LINGO2: variants seen among roughly 807,000 people sequenced by gnomAD.
LINGO2 encodes the protein leucine rich repeat and Ig domain containing 2.
LINGO2 carries 14 observed loss-of-function variants against 30.6 expected under a neutral mutation model. The observed-to-expected ratio is 0.46, with a 90% confidence interval of 0.30 to 0.72. The LOEUF is 0.72. LINGO2 is among the 30% of genes least tolerant of loss of function. LINGO2 has a pLI of 0.07. For missense variants in LINGO2, 729 were observed against 751.7 expected (o/e 0.97, Z 0.35); for synonymous variants, 317 against 288.5 (o/e 1.10, Z -1.00).
Position 28,032,146 on chromosome 9 carries a change from C to G in LINGO2, c.-86-19741G>C, listed in dbSNP as rs190643130. 7.2e-5 allele frequency among the ~76,000 whole-genome samples: 11 copies of G among 152,120 alleles called. No homozygotes were observed. The East Asian group carries it at 1.5e-3, about 21-fold the overall frequency. Reference sequence around the variant, plus strand: ...TTTGAAAACCGATTGCTCTGCTGTCCTGTCATGAAGTAGGTAATATGGGCA... The same window carrying G: ...TTTGAAAACCGATTGCTCTGCTGTCGTGTCATGAAGTAGGTAATATGGGCA... On this transcript the variant is annotated intron_variant, in intron 4 of 5. Transcript: ENST00000379992.
chr9:28,609,439 A>G (rs2135779359), intron 1 of LINGO2, among the ~76,000 whole-genome samples: 1 of 152,076 alleles, frequency 6.6e-6, no homozygotes, highest in Non-Finnish European at 1.5e-5. Context: ...CAAGACTTCT[A>G]GTTGAAAAAA....
At chr9:28,346,178 G>A (rs1355822989) in intron 3 of LINGO2, among the ~76,000 whole-genome samples, 1 of 152,104 alleles carries the variant, frequency 6.6e-6, no homozygotes, top group African/African-American at 2.4e-5. Flanking sequence ...CCTAGTACAT[G>A]GTTACTGGTC....
At chr9:28,549,982 G>C (rs1475622628) in intron 1 of LINGO2, among the ~76,000 whole-genome samples, 2 of 151,722 alleles carry the variant, frequency 1.3e-5, no homozygotes, top group African/African-American at 2.4e-5. Context: ...ACATCCTGTT[G>C]TTAATTAGAA....
intron 1 of LINGO2, among the ~76,000 whole-genome samples, chr9:28,651,430 C>A (rs912621525): frequency 1.3e-5 from 2 of 152,020 alleles, no homozygotes; most frequent in Non-Finnish European, 1.5e-5. Flanking sequence ...CCCTCTGAGT[C>A]CCAGTGAGAT....
intron 2 of LINGO2, among the ~76,000 whole-genome samples, chr9:28,405,379 AC>A (rs557314126): frequency 1.3e-5 from 2 of 152,048 alleles, no homozygotes; most frequent in South Asian, 4.1e-4. Flanking sequence ...TAACTCTAAA[AC>A]TGTGTCTTCA....
intron 3 of LINGO2, among the ~76,000 whole-genome samples, chr9:28,331,608 T>C (rs1825421079): frequency 6.6e-6 from 1 of 152,176 alleles, no homozygotes; most frequent in African/African-American, 2.4e-5. Context: ...TGGGCTCTGG[T>C]GATCCTCCAG....
intron 4 of LINGO2, among the ~76,000 whole-genome samples, chr9:28,066,582 A>T (rs567960658): frequency 6.6e-6 from 1 of 152,214 alleles, no homozygotes; most frequent in East Asian, 1.9e-4. Flanking sequence ...ATTAGGCTCA[A>T]GAGTCCTGGG....
chr9:28,970,414 T>C, the LINGO2 span, among the ~76,000 whole-genome samples: 25 of 152,052 alleles, frequency 1.6e-4, no homozygotes, highest in African/African-American at 6.0e-4. Context: ...AGCACCTTCA[T>C]CAGAACAAAA....
At chr9:28,441,249 G>T (rs998462528) in intron 2 of LINGO2, among the ~76,000 whole-genome samples, 4 of 74,348 alleles carry the variant, frequency 5.4e-5, no homozygotes, top group Non-Finnish European at 1.0e-4. Context: ...ATTCATTGGA[G>T]GCTTTTTTTT....
the LINGO2 span, among the ~76,000 whole-genome samples, chr9:28,709,794 T>C: frequency 6.6e-5 from 10 of 151,984 alleles, no homozygotes; most frequent in African/African-American, 2.4e-4. Flanking sequence ...ACAAATATAC[T>C]CAGCATGATT....
At chr9:28,367,219 T>C (rs78698640) in intron 3 of LINGO2, among the ~76,000 whole-genome samples, 1 of 152,234 alleles carries the variant, frequency 6.6e-6, no homozygotes, top group African/African-American at 2.4e-5. Context: ...CCCTGTTTCA[T>C]GACTTGCATG....
At chr9:28,724,560 A>G in the LINGO2 span, among the ~76,000 whole-genome samples, 2 of 152,160 alleles carry the variant, frequency 1.3e-5, no homozygotes, top group Non-Finnish European at 2.9e-5. Flanking sequence ...TGGAGCTTTC[A>G]GATAACTCCA....
intron 3 of LINGO2, among the ~76,000 whole-genome samples, chr9:28,341,563 A>G (rs911426726): frequency 6.6e-6 from 1 of 152,180 alleles, no homozygotes; most frequent in African/African-American, 2.4e-5. Flanking sequence ...GGCATTAAAT[A>G]CAATCAGAAA....
the LINGO2 span, among the ~76,000 whole-genome samples, chr9:29,166,098 T>G: frequency 1.3e-5 from 2 of 152,128 alleles, no homozygotes; most frequent in African/African-American, 4.8e-5. Flanking sequence ...AGCTAGGAAT[T>G]TGGGATCAAC....
chr9:28,605,733 A>G (rs1333426045), intron 1 of LINGO2, among the ~76,000 whole-genome samples: 2 of 151,982 alleles, frequency 1.3e-5, no homozygotes, highest in African/African-American at 4.8e-5. Flanking sequence ...GGGGTGTGCA[A>G]ACTGCAGCTT....
chr9:28,174,921 T>TGTGTGTGTGTGTGTGA (rs962695032), intron 4 of LINGO2, among the ~76,000 whole-genome samples: 2 of 133,308 alleles, frequency 1.5e-5, no homozygotes, highest in Non-Finnish European at 1.6e-5. Flanking sequence ...TGTGTGTGTG[T>TGTGTGTGTGTGTGTGA]GAGAGAGAGA....
chr9:28,005,329 T>C (rs1291043155), intron 5 of LINGO2, among the ~76,000 whole-genome samples: 1 of 152,206 alleles, frequency 6.6e-6, no homozygotes. Context: ...ATCATGTTTC[T>C]TAACTGCTCT....
intron 4 of LINGO2, among the ~76,000 whole-genome samples, chr9:28,265,975 A>G (rs941511393): frequency 1.3e-5 from 2 of 152,026 alleles, no homozygotes; most frequent in African/African-American, 4.8e-5. Context: ...TGAGATGATA[A>G]GGATGGAGTC....
the LINGO2 span, among the ~76,000 whole-genome samples, chr9:29,060,131 A>G: frequency 1.3e-5 from 2 of 151,994 alleles, no homozygotes; most frequent in Non-Finnish European, 2.9e-5. Flanking sequence ...TTTTCTAAAG[A>G]CTGTTCAGCA....
Sources: allele counts gnomAD v4.1 joint callset (sites outside exome capture counted in the v4.1 genomes callset), GRCh38; gene constraint gnomAD v4.1.1; transcripts MANE v1.5; gene names NCBI Gene and HGNC (gene_info 2026-07-23, HGNC 2026-07-21).